The following CNIH3 variants were observed in gnomAD, a reference collection of about 807,000 sequenced individuals.
CNIH3 encodes protein cornichon homolog 3.
CNIH3 carries 14 observed loss-of-function variants against 24.1 expected under a neutral mutation model. The ratio of observed to expected loss-of-function variants is 0.58; its 90% confidence interval spans 0.38 to 0.91. The LOEUF (loss-of-function observed/expected upper bound fraction) is 0.91, where lower values mean the gene tolerates loss of function less well. Among genes scored for constraint, CNIH3 ranks in the 40% least tolerant of loss-of-function variants. The probability of loss-of-function intolerance (pLI) is 0.00; values close to 1 mark genes in which losing one functional copy is unlikely to be tolerated. For missense variants in CNIH3, 178 were observed against 196.8 expected (o/e 0.90, Z 0.57); for synonymous variants, 68 against 73.8 (o/e 0.92, Z 0.40).
intron 1 of CNIH3, among the ~76,000 whole-genome samples, chr1:224,455,110 T>C (rs1156370182): frequency 6.6e-6 from 1 of 152,170 alleles, no homozygotes; most frequent in African/African-American, 2.4e-5. Flanking sequence ...TAGCCTACAG[T>C]TGGGCAAAAT....
chr1:224,475,303 C>T (rs1321130547), intron 1 of CNIH3, among the ~76,000 whole-genome samples: 1 of 149,996 alleles, frequency 6.7e-6, no homozygotes, highest in Non-Finnish European at 1.5e-5. Flanking sequence ...TTGCAGTGAA[C>T]CGAGATTGCG....
intron 1 of CNIH3, among the ~76,000 whole-genome samples, chr1:224,670,390 T>C (rs1685807039): frequency 6.6e-6 from 1 of 151,950 alleles, no homozygotes; most frequent in African/African-American, 2.4e-5. Context: ...TCCTACAGAG[T>C]CTAAGGGGCT....
intron 3 of CNIH3, among the ~76,000 whole-genome samples, chr1:224,722,927 G>A (rs1055546702): frequency 2.6e-5 from 4 of 152,188 alleles, no homozygotes; most frequent in African/African-American, 9.7e-5. Flanking sequence ...TTGTGCATAC[G>A]TGCTTTTCCT....
chr1:224,517,459 A>G (rs1678439466), intron 1 of CNIH3, among the ~76,000 whole-genome samples: 1 of 152,070 alleles, frequency 6.6e-6, no homozygotes, highest in Non-Finnish European at 1.5e-5. Flanking sequence ...GGGGAAAGAT[A>G]TTCCTTTTTT....
chr1:224,440,563 G>A (rs897646587), intron 1 of CNIH3, among the ~76,000 whole-genome samples: 3 of 152,162 alleles, frequency 2.0e-5, no homozygotes, highest in African/African-American at 7.2e-5. Flanking sequence ...TAATCACCAT[G>A]TACTGATATG....
At chr1:224,518,491 T>G (rs1337239110) in intron 1 of CNIH3, among the ~76,000 whole-genome samples, 1 of 148,704 alleles carries the variant, frequency 6.7e-6, no homozygotes, top group African/African-American at 2.4e-5. Context: ...ACCTGCCTAA[T>G]TTTTGAAGCC....
At chr1:224,577,755 A>G (rs1468030257) in intron 4 of CNIH3, among the ~76,000 whole-genome samples, 1 of 152,222 alleles carries the variant, frequency 6.6e-6, no homozygotes, top group Non-Finnish European at 1.5e-5. Context: ...TATGAAAAAG[A>G]CACTTGCACA....
chr1:224,470,779 A>T (rs768055684), intron 1 of CNIH3, among the ~76,000 whole-genome samples: 1 of 152,074 alleles, frequency 6.6e-6, no homozygotes, highest in African/African-American at 2.4e-5. Context: ...TTCTTTAAAG[A>T]TGTTGTTCCA....
intron 1 of CNIH3, among the ~76,000 whole-genome samples, chr1:224,479,872 C>G (rs1676734989): frequency 6.6e-6 from 1 of 152,218 alleles, no homozygotes; most frequent in Non-Finnish European, 1.5e-5. Flanking sequence ...CAGGCACATG[C>G]TGCAAGCTGT....
intron 1 of CNIH3, among the ~76,000 whole-genome samples, chr1:224,503,388 C>T (rs920057968): frequency 6.6e-6 from 1 of 152,084 alleles, no homozygotes; most frequent in Admixed American, 6.5e-5. Flanking sequence ...TTGTCTCTGT[C>T]ACCCTCCCCC....
At chr1:224,576,328 G>A (rs1410603180) in intron 4 of CNIH3, among the ~76,000 whole-genome samples, 1 of 152,152 alleles carries the variant, frequency 6.6e-6, no homozygotes, top group Non-Finnish European at 1.5e-5. Context: ...AGTTATATAT[G>A]TACATAGTTT....
intron 3 of CNIH3, among the ~76,000 whole-genome samples, chr1:224,713,335 T>C (rs1688257345): frequency 6.6e-6 from 1 of 152,222 alleles, no homozygotes; most frequent in South Asian, 2.1e-4. Context: ...TTTGCACAGT[T>C]CCAGGTATTG....
chr1:224,457,058 C>T (rs536720001), intron 1 of CNIH3, among the ~76,000 whole-genome samples: 4 of 152,276 alleles, frequency 2.6e-5, no homozygotes, highest in South Asian at 4.1e-4. Flanking sequence ...CGAGGGGAGA[C>T]GGTCCACACC....
chr1:224,556,025 AAGGGTCGT>A (rs1265853251), intron 3 of CNIH3, among the ~76,000 whole-genome samples: 1 of 152,140 alleles, frequency 6.6e-6, no homozygotes, highest in East Asian at 1.9e-4. Context: ...ACTGCTGAGG[AAGGGTCGT>A]ACATTACAGC....
intron 1 of CNIH3, among the ~76,000 whole-genome samples, chr1:224,441,280 A>G (rs755420625): frequency 2.6e-5 from 4 of 152,234 alleles, no homozygotes; most frequent in East Asian, 3.8e-4. Context: ...AGATAAGGCA[A>G]TGTTATTAAG....
chr1:224,714,122 A>G (rs1572789466), intron 3 of CNIH3, among the ~76,000 whole-genome samples: 1 of 152,180 alleles, frequency 6.6e-6, no homozygotes. Context: ...GCCTCACTGC[A>G]ACTTTTAATT....
chr1:224,643,272 T>G (rs746158125), intron 1 of CNIH3, among the ~76,000 whole-genome samples: 7 of 152,176 alleles, frequency 4.6e-5, no homozygotes, highest in African/African-American at 7.2e-5. Context: ...AGAAAACAAA[T>G]GTAGAATGAG....
intron 1 of CNIH3, among the ~76,000 whole-genome samples, chr1:224,500,658 A>G (rs1255602031): frequency 1.4e-5 from 2 of 145,512 alleles, no homozygotes; most frequent in African/African-American, 2.5e-5. Context: ...GCTGGGCGAC[A>G]GAGTGAGACA....
At chr1:224,697,791 A>G (rs529977837) in intron 3 of CNIH3, among the ~76,000 whole-genome samples, 1 of 152,336 alleles carries the variant, frequency 6.6e-6, no homozygotes, top group African/African-American at 2.4e-5. Context: ...AAATGGGCCA[A>G]TCTTACAAAT....
Sources: allele counts gnomAD v4.1 joint callset (sites outside exome capture counted in the v4.1 genomes callset), GRCh38; gene constraint gnomAD v4.1.1; transcripts MANE v1.5; gene names NCBI Gene and HGNC (gene_info 2026-07-23, HGNC 2026-07-21).